Variants in PPARGC1A observed in about 807,000 individuals in gnomAD.
PPARGC1A encodes peroxisome proliferator-activated receptor gamma coactivator 1-alpha.
PPARGC1A carries 25 observed loss-of-function variants against 88.7 expected under a neutral mutation model. The ratio of observed to expected loss-of-function variants is 0.28; its 90% CI spans 0.21 to 0.39. The LOEUF (loss-of-function observed/expected upper bound fraction) is 0.39, where lower values mean the gene tolerates loss of function less well. Among genes scored for constraint, PPARGC1A ranks in the 10% least tolerant of loss-of-function variants. The probability of loss-of-function intolerance (pLI) is 1.00; values close to 1 mark genes in which losing one functional copy is unlikely to be tolerated. For missense variants in PPARGC1A, 880 were observed against 968.7 expected (o/e 0.91, Z 1.22); for synonymous variants, 363 against 355.6 (o/e 1.02, Z -0.24).
At chr4:24,007,495 A>G in the PPARGC1A span, among the ~76,000 whole-genome samples, 1 of 152,222 alleles carries the variant, frequency 6.6e-6, no homozygotes, top group Non-Finnish European at 1.5e-5. Flanking sequence ...AGCACAGGGT[A>G]ATGACCTAGT....
At chr4:24,248,217 C>T in the PPARGC1A span, among the ~76,000 whole-genome samples, 2 of 152,092 alleles carry the variant, frequency 1.3e-5, no homozygotes, top group Non-Finnish European at 2.9e-5. Flanking sequence ...CTCCGCCTCC[C>T]GGGTTCACGC....
chr4:24,050,655 C>A, the PPARGC1A span, among the ~76,000 whole-genome samples: 1 of 152,116 alleles, frequency 6.6e-6, no homozygotes, highest in Non-Finnish European at 1.5e-5. Flanking sequence ...CATGAAGTGG[C>A]CAATCTGACC....
intron 2 of PPARGC1A, among the ~76,000 whole-genome samples, chr4:23,872,631 A>G (rs1713639479): frequency 6.6e-6 from 1 of 152,130 alleles, no homozygotes; most frequent in Admixed American, 6.5e-5. Context: ...CTACTTCCTC[A>G]AACAGACAGC....
the PPARGC1A span, among the ~76,000 whole-genome samples, chr4:24,420,534 G>T: frequency 5.3e-5 from 8 of 152,074 alleles, no homozygotes; most frequent in African/African-American, 1.7e-4. Flanking sequence ...ATGCAGAATG[G>T]ATCATGTCCA....
the PPARGC1A span, among the ~76,000 whole-genome samples, chr4:23,964,618 G>A: frequency 1.3e-5 from 2 of 152,170 alleles, no homozygotes; most frequent in Non-Finnish European, 2.9e-5. Flanking sequence ...TAAGCCCGGT[G>A]TTATAGATTT....
upstream of PPARGC1A, among the ~76,000 whole-genome samples, chr4:23,894,290 T>G (rs1376657069): frequency 6.6e-6 from 1 of 152,198 alleles, no homozygotes; most frequent in Non-Finnish European, 1.5e-5. Context: ...TGCTTGCTTT[T>G]AATTCCTAGA....
the PPARGC1A span, among the ~76,000 whole-genome samples, chr4:24,226,525 G>A: frequency 6.6e-6 from 1 of 152,168 alleles, no homozygotes; most frequent in Admixed American, 6.5e-5. Flanking sequence ...TAGGTACCAA[G>A]GCTGATTTAA....
the PPARGC1A span, among the ~76,000 whole-genome samples, chr4:24,081,328 A>G: frequency 2.0e-5 from 3 of 152,260 alleles, no homozygotes; most frequent in South Asian, 4.1e-4. Context: ...TGTGCTATTT[A>G]AGGCTCATCT....
chr4:24,187,502 T>G, the PPARGC1A span, among the ~76,000 whole-genome samples: 1 of 152,224 alleles, frequency 6.6e-6, no homozygotes, highest in Non-Finnish European at 1.5e-5. Context: ...GTCCTGGTTC[T>G]GCCATCAACT....
the PPARGC1A span, among the ~76,000 whole-genome samples, chr4:24,445,448 T>C: frequency 6.6e-6 from 1 of 152,250 alleles, no homozygotes; most frequent in Non-Finnish European, 1.5e-5. Flanking sequence ...AGTACTGGAT[T>C]CGTATATTTT....
intron 2 of PPARGC1A, among the ~76,000 whole-genome samples, chr4:23,871,439 C>T (rs541410158): frequency 4.6e-5 from 7 of 152,316 alleles, no homozygotes; most frequent in African/African-American, 1.7e-4. Flanking sequence ...TATGGCATTG[C>T]TGTGTTCAAA....
intron 12 of PPARGC1A, among the ~76,000 whole-genome samples, chr4:23,798,460 A>T (rs1168424324): frequency 6.6e-6 from 1 of 152,182 alleles, no homozygotes; most frequent in Non-Finnish European, 1.5e-5. Flanking sequence ...AAATATTTAT[A>T]TTGGGATGTG....
intron 2 of PPARGC1A, among the ~76,000 whole-genome samples, chr4:23,859,459 T>C (rs1196145255): frequency 1.3e-5 from 2 of 152,114 alleles, no homozygotes; most frequent in Admixed American, 6.6e-5. Flanking sequence ...ATTGGGAGAC[T>C]GCAAAGAAGA....
chr4:24,391,214 A>C, the PPARGC1A span, among the ~76,000 whole-genome samples: 27,438 of 152,078 alleles, frequency 0.18, 2,686 homozygotes, highest in Middle Eastern at 0.33. Flanking sequence ...ATCTCCGCAA[A>C]ATTTGAGTTT....
chr4:23,954,684 T>C, the PPARGC1A span, among the ~76,000 whole-genome samples: 2 of 152,154 alleles, frequency 1.3e-5, no homozygotes, highest in African/African-American at 4.8e-5. Context: ...TATTTGTTTC[T>C]GCAAAGTTGT....
the PPARGC1A span, among the ~76,000 whole-genome samples, chr4:24,388,702 G>A: frequency 0.99 from 150,003 of 152,192 alleles, 73,949 homozygotes; most frequent in East Asian, 1. Flanking sequence ...CATCATTCTC[G>A]GCAAAGTAAC....
chr4:24,355,536 T>C, the PPARGC1A span, among the ~76,000 whole-genome samples: 1 of 152,286 alleles, frequency 6.6e-6, no homozygotes, highest in East Asian at 1.9e-4. Context: ...TGTGGGTCAA[T>C]GGCTGTCACT....
At chr4:23,946,012 C>G in the PPARGC1A span, among the ~76,000 whole-genome samples, 1 of 152,058 alleles carries the variant, frequency 6.6e-6, no homozygotes, top group Non-Finnish European at 1.5e-5. Context: ...GCCGGACCCT[C>G]CCTCCTCCCC....
the PPARGC1A span, among the ~76,000 whole-genome samples, chr4:24,389,920 T>C: frequency 6.6e-6 from 1 of 152,156 alleles, no homozygotes; most frequent in Admixed American, 6.5e-5. Context: ...ATAGCATCAG[T>C]CCTCACAATA....
Sources: gnomAD v4.1 joint callset for allele counts (sites outside exome capture counted in the v4.1 genomes callset) on GRCh38, gnomAD v4.1.1 for gene constraint, MANE v1.5 for transcripts, NCBI Gene and HGNC (gene_info 2026-07-23, HGNC 2026-07-21) for gene names.